Variants in PPM1L observed in about 807,000 individuals in gnomAD.
PPM1L encodes protein phosphatase, Mg2+/Mn2+ dependent 1L, also known as protein phosphatase 1L.
Under a neutral mutation model 31.4 loss-of-function variants are expected in PPM1L, and 13 were observed. That is an observed-to-expected ratio of 0.41 (90% CI 0.27 to 0.66). The LOEUF (loss-of-function observed/expected upper bound fraction) is 0.66, where lower values mean the gene tolerates loss of function less well. PPM1L is among the 30% of genes least tolerant of loss of function. The probability of loss-of-function intolerance (pLI) is 0.29; values close to 1 mark genes in which losing one functional copy is unlikely to be tolerated. For synonymous variants in PPM1L, 184 were observed against 175.4 expected (o/e 1.05, Z -0.39); for missense variants, 326 against 453.7 (o/e 0.72, Z 2.56).
At chr3:160,940,383 C>T (rs1354396060) in intron 1 of PPM1L, among the ~76,000 whole-genome samples, 12 of 152,226 alleles carry the variant, frequency 7.9e-5, no homozygotes, top group Admixed American at 7.8e-4. Flanking sequence ...GAAAATGTCT[C>T]TAGACCATGT....
At chr3:160,944,866 ATGT>A (rs1482466420) in intron 1 of PPM1L, among the ~76,000 whole-genome samples, 1 of 4,082 alleles carries the variant, frequency 2.4e-4, no homozygotes, top group African/African-American at 7.4e-4. Context: ...ATTATATATA[ATGT>A]TATATATAAC....
chr3:160,825,823 C>T (rs188268080), intron 1 of PPM1L, among the ~76,000 whole-genome samples: 26 of 152,154 alleles, frequency 1.7e-4, no homozygotes, highest in African/African-American at 5.1e-4. Context: ...GGCTGATATT[C>T]GCGAACCCTC....
intron 1 of PPM1L, among the ~76,000 whole-genome samples, chr3:160,857,648 C>T (rs908873698): frequency 2.0e-4 from 30 of 151,994 alleles, no homozygotes; most frequent in Non-Finnish European, 3.7e-4. Context: ...CTATATTAGT[C>T]TTGTGAATAT....
intron 1 of PPM1L, among the ~76,000 whole-genome samples, chr3:160,866,657 C>G (rs1712098878): frequency 3.3e-5 from 5 of 152,168 alleles, no homozygotes; most frequent in Admixed American, 3.3e-4. Context: ...TTTCATGGGA[C>G]TGTACTAAGG....
intron 2 of PPM1L, among the ~76,000 whole-genome samples, chr3:160,970,447 ATTTTTTT>A (rs1242719344): frequency 9.4e-5 from 2 of 21,384 alleles, no homozygotes; most frequent in Non-Finnish European, 1.5e-4. Context: ...CAAGCTGAAT[ATTTTTTT>A]TTTTTTTTTT....
At chr3:160,990,591 G>T (rs1284365629) in intron 2 of PPM1L, among the ~76,000 whole-genome samples, 1 of 152,176 alleles carries the variant, frequency 6.6e-6, no homozygotes. Flanking sequence ...ACAGTAAGTA[G>T]CATTGTCATT....
intron 1 of PPM1L, among the ~76,000 whole-genome samples, chr3:160,929,469 G>A (rs1223796075): frequency 6.6e-6 from 1 of 152,130 alleles, no homozygotes; most frequent in Non-Finnish European, 1.5e-5. Context: ...GTCTAAGCTG[G>A]AAAAGGAAGG....
chr3:160,914,867 T>C (rs1183862818), intron 1 of PPM1L, among the ~76,000 whole-genome samples: 2 of 152,184 alleles, frequency 1.3e-5, no homozygotes, highest in Admixed American at 1.3e-4. Flanking sequence ...ATTGCCACAC[T>C]GACTTCCACA....
chr3:161,073,826 G>T lies in PPM1L; in HGVS notation c.*4669G>T, dbSNP rs935316503. 1 of 152,324 alleles carries T rather than the reference G, an allele frequency of 6.6e-6. No individual in the cohort carries two copies. Among genetic ancestry groups the T allele is most frequent in the Non-Finnish European group, 1.5e-5 (1 of 68,082 alleles). The allele number at this position is 152,324 out of a possible 1,614,324, so 9.4% of individuals were successfully genotyped here. On this transcript the variant is annotated 3_prime_UTR_variant, in exon 4 of 4. Coordinates refer to ENST00000498165, the MANE Select transcript of PPM1L (RefSeq NM_139245.4). ...TCCACCAGCCTTGGCCTCCCAAAGT[G>T]CTGGGATTACAGGTGTGAGCCACTG... is the stretch of plus-strand genomic sequence containing the variant.
At chr3:160,885,123 C>T (rs994253187) in intron 1 of PPM1L, among the ~76,000 whole-genome samples, 20 of 152,162 alleles carry the variant, frequency 1.3e-4, no homozygotes, top group Admixed American at 1.1e-3. Context: ...TAGTACCTCT[C>T]ACTCCCTATC....
At chr3:161,051,197 G>A (rs1719265270) in intron 2 of PPM1L, among the ~76,000 whole-genome samples, 2 of 152,270 alleles carry the variant, frequency 1.3e-5, no homozygotes, top group East Asian at 1.9e-4. Flanking sequence ...TACTGTCATA[G>A]CATTTATCAT....
At chr3:160,950,986 C>T (rs1458229129) in intron 1 of PPM1L, among the ~76,000 whole-genome samples, 1 of 152,220 alleles carries the variant, frequency 6.6e-6, no homozygotes, top group African/African-American at 2.4e-5. Flanking sequence ...ATAATTTTCT[C>T]TGATTTATGA....
chr3:161,035,520 G>A (rs1718719770), intron 2 of PPM1L, among the ~76,000 whole-genome samples: 1 of 152,194 alleles, frequency 6.6e-6, no homozygotes, highest in Admixed American at 6.5e-5. Context: ...ACTACTCCTT[G>A]TTGTTACTGT....
At chr3:161,001,625 C>T (rs1717483636) in intron 2 of PPM1L, among the ~76,000 whole-genome samples, 2 of 152,074 alleles carry the variant, frequency 1.3e-5, no homozygotes, top group African/African-American at 2.4e-5. Flanking sequence ...GTTTATCAGG[C>T]CCAACCATTA....
At chr3:160,915,880 C>T (rs1030308539) in intron 1 of PPM1L, among the ~76,000 whole-genome samples, 2 of 152,132 alleles carry the variant, frequency 1.3e-5, no homozygotes, top group African/African-American at 2.4e-5. Flanking sequence ...AACTGGATCC[C>T]TTCCTTACAC....
intron 3 of PPM1L, among the ~76,000 whole-genome samples, chr3:161,065,798 T>G (rs1410687269): frequency 1.3e-5 from 2 of 152,232 alleles, no homozygotes; most frequent in Non-Finnish European, 2.9e-5. Context: ...GTTTAAAGGC[T>G]AATAAGATCT....
intron 1 of PPM1L, among the ~76,000 whole-genome samples, chr3:160,834,465 A>ATGTG (rs1293987142): frequency 8.7e-6 from 1 of 115,422 alleles, no homozygotes; most frequent in African/African-American, 3.8e-5. Flanking sequence ...GCATTTGTGT[A>ATGTG]TGTGTATGTG....
chr3:161,019,398 A>G (rs944215746), intron 2 of PPM1L, among the ~76,000 whole-genome samples: 1 of 152,094 alleles, frequency 6.6e-6, no homozygotes, highest in Non-Finnish European at 1.5e-5. Context: ...GGGTCTCACT[A>G]TGTTGTCCAG....
At chr3:160,797,736 C>T (rs181145378) in intron 1 of PPM1L, among the ~76,000 whole-genome samples, 1 of 152,358 alleles carries the variant, frequency 6.6e-6, no homozygotes, top group African/African-American at 2.4e-5. Context: ...CCACAACGTT[C>T]TCTTCAGCTA....
Sources: gnomAD v4.1 joint callset for allele counts (sites outside exome capture counted in the v4.1 genomes callset) on GRCh38, gnomAD v4.1.1 for gene constraint, MANE v1.5 for transcripts, NCBI Gene and HGNC (gene_info 2026-07-23, HGNC 2026-07-21) for gene names.